TMOD1: variants seen among roughly 807,000 people sequenced by gnomAD.
TMOD1 encodes the protein tropomodulin-1.
In TMOD1, 17 loss-of-function variants were observed where a neutral mutation model predicts 40.6. That is an observed-to-expected ratio of 0.42 (90% CI 0.29 to 0.63). The LOEUF is 0.63. TMOD1 is among the 20% of genes least tolerant of loss of function. The pLI is 0.22. For synonymous variants in TMOD1, 181 were observed against 175.0 expected, an observed-to-expected ratio of 1.03 and a Z score of -0.27; for missense variants, 391 against 447.6, an observed-to-expected ratio of 0.87 and a Z score of 1.14.
intron 1 of TMOD1, among the ~76,000 whole-genome samples, chr9:97,518,122 G>C (rs1829847975): frequency 6.6e-6 from 1 of 152,204 alleles, no homozygotes; most frequent in Non-Finnish European, 1.5e-5. Context: ...CCAGTTCCAT[G>C]TTATTATGGG....
At chr9:97,582,003 A>C (rs1439891671) in intron 8 of TMOD1, among the ~76,000 whole-genome samples, 3 of 150,908 alleles carry the variant, frequency 2.0e-5, no homozygotes, top group Non-Finnish European at 4.4e-5. Context: ...TAGTTTAATT[A>C]GATCCCATTT....
chr9:97,505,992 C>T (rs1829584873), intron 1 of TMOD1, among the ~76,000 whole-genome samples: 1 of 152,182 alleles, frequency 6.6e-6, no homozygotes, highest in Non-Finnish European at 1.5e-5. Context: ...TCATTAGCCT[C>T]TAAGACCGGG....
intron 2 of TMOD1, among the ~76,000 whole-genome samples, chr9:97,536,019 ACG>A (rs1830178110): frequency 6.6e-6 from 1 of 152,078 alleles, no homozygotes. Context: ...TAACATCAAG[ACG>A]CTGTGACTGA....
intron 8 of TMOD1, among the ~76,000 whole-genome samples, chr9:97,588,513 A>G (rs988679359): frequency 6.6e-6 from 1 of 152,198 alleles, no homozygotes; most frequent in Non-Finnish European, 1.5e-5. Flanking sequence ...ACAAATATCA[A>G]TACAAAATAT....
At chr9:97,507,329 C>T (rs1587908427) in intron 1 of TMOD1, among the ~76,000 whole-genome samples, 2 of 152,250 alleles carry the variant, frequency 1.3e-5, no homozygotes, top group East Asian at 3.9e-4. Flanking sequence ...CCATGCAAAC[C>T]AAGAGAGATT....
chr9:97,531,033 A>ACC (rs202030181), intron 2 of TMOD1, among the ~76,000 whole-genome samples: 7,260 of 76,508 alleles, frequency 0.095, 1,242 homozygotes, highest in South Asian at 0.15. Flanking sequence ...GGTGATCCAC[A>ACC]CCCACCCCCC....
intron 2 of TMOD1, among the ~76,000 whole-genome samples, chr9:97,525,095 C>T (rs551278921): frequency 4.6e-5 from 7 of 152,062 alleles, no homozygotes; most frequent in East Asian, 1.9e-4. Context: ...AAGACAGTAA[C>T]GATGTCATAA....
intron 2 of TMOD1, among the ~76,000 whole-genome samples, chr9:97,536,641 A>G (rs144629740): frequency 1.5e-4 from 23 of 152,100 alleles, no homozygotes; most frequent in African/African-American, 5.5e-4. Context: ...GTCAGGTGGG[A>G]TGGAAAATTT....
intron 9 of TMOD1, among the ~76,000 whole-genome samples, chr9:97,594,214 A>C (rs1000315493): frequency 7.2e-5 from 11 of 152,166 alleles, no homozygotes; most frequent in African/African-American, 1.9e-4. Flanking sequence ...ATTAGAGATG[A>C]ATCATCTCAG....
intron 4 of TMOD1, among the ~76,000 whole-genome samples, chr9:97,556,099 G>A (rs1830532398): frequency 6.6e-6 from 1 of 151,960 alleles, no homozygotes; most frequent in Non-Finnish European, 1.5e-5. Context: ...TTTGAGTGGA[G>A]AGGAGGGGGT....
At chr9:97,576,121 C>T (rs940564250) in intron 8 of TMOD1, among the ~76,000 whole-genome samples, 3 of 152,196 alleles carry the variant, frequency 2.0e-5, no homozygotes, top group African/African-American at 4.8e-5. Context: ...TACATACTGA[C>T]TCTGAAAGAG....
At chr9:97,574,443 A>G (rs201745199) in intron 8 of TMOD1, among the ~76,000 whole-genome samples, 2 of 152,274 alleles carry the variant, frequency 1.3e-5, no homozygotes, top group East Asian at 3.9e-4. Context: ...GCAGCCCGCC[A>G]TGCCTGAGCT....
At chr9:97,558,791 T>G (rs1830571076) in intron 4 of TMOD1, among the ~76,000 whole-genome samples, 1 of 152,112 alleles carries the variant, frequency 6.6e-6, no homozygotes, top group Non-Finnish European at 1.5e-5. Flanking sequence ...CATGAGAAAT[T>G]GTTGTGTCAC....
At chr9:97,563,901 A>AC (rs1473004662) in intron 5 of TMOD1, 137 bp from the exon 6 acceptor site, 3 of 1,138,230 alleles carry the variant, frequency 2.6e-6, no homozygotes, top group African/African-American at 1.6e-5. Context: ...GGTGCCCCCT[A>AC]CCCCCACCCA....
chr9:97,578,703 T>C (rs1472543072), intron 8 of TMOD1, among the ~76,000 whole-genome samples: 1 of 152,330 alleles, frequency 6.6e-6, no homozygotes, highest in African/African-American at 2.4e-5. Context: ...GGCTCCTGCC[T>C]GCCCTGCTCA....
rs553388366 is a variant in TMOD1, at chr9:97,557,670, A to G, written c.397+4270A>G. 6.6e-6 allele frequency among the ~76,000 whole-genome samples: 1 copy of G among 152,296 alleles called. No individual in the cohort carries two copies. Among genetic ancestry groups the G allele is most frequent in the Admixed American group, 6.5e-5 (1 of 15,302 alleles). ...ACCTGTCCCTGGGATGCAGGAGAAC[A>G]TCTTCCAGCCATCTGCCCAGAGCCA... On this transcript the variant is annotated intron_variant, in intron 4 of 9. Transcript: ENST00000259365. The surrounding 1 kb of genome is among the most constrained non-coding windows in gnomAD (Gnocchi z 4.4).
intron 2 of TMOD1, among the ~76,000 whole-genome samples, chr9:97,540,299 AC>A (rs1830258495): frequency 6.6e-6 from 1 of 152,170 alleles, no homozygotes; most frequent in African/African-American, 2.4e-5. Context: ...TCTGGTAAAG[AC>A]TTTCTTGCTG....
intron 4 of TMOD1, among the ~76,000 whole-genome samples, chr9:97,556,842 C>A (rs563154379): frequency 1.3e-5 from 2 of 152,234 alleles, no homozygotes; most frequent in African/African-American, 4.8e-5. Context: ...TGAGAAAGTG[C>A]GGAGAAGGTC....
In TMOD1 at chr9:97,502,537, A is replaced by G. The variant is rs1013194237; in HGVS notation, c.-49+734A>G. On this transcript the variant is annotated intron_variant, in intron 1 of 9. Coordinates refer to ENST00000259365, the MANE Select transcript of TMOD1 (RefSeq NM_003275.4). The surrounding 1 kb of genome is among the most constrained non-coding windows in gnomAD (Gnocchi z 6.1). The stretch of plus-strand genomic sequence containing the variant: ...GTAGGGGCGAGGTTTGGTAGCCGCG[A>G]TGGAGCTGGGAGCCCAAGCCCTGAG... Among the ~76,000 whole-genome samples, 3 of 152,068 alleles carry G rather than the reference A, an allele frequency of 2.0e-5. No homozygotes were observed. The highest frequency in any genetic ancestry group is 4.8e-5 in the African/African-American group (2 of 41,430).
Sources: gnomAD v4.1 joint callset for allele counts (sites outside exome capture counted in the v4.1 genomes callset) on GRCh38, gnomAD v4.1.1 for gene constraint, Gnocchi (gnomAD v3.1) non-coding constraint, MANE v1.5 for transcripts, NCBI Gene and HGNC (gene_info 2026-07-23, HGNC 2026-07-21) for gene names.